SNRPD2: variants seen among roughly 807,000 people sequenced by gnomAD.
SNRPD2 encodes small nuclear ribonucleoprotein D2 polypeptide, also known as small nuclear ribonucleoprotein Sm D2.
SNRPD2 carries 1 observed loss-of-function variant against 11.5 expected under a neutral mutation model. The observed-to-expected ratio is 0.09, with a 90% CI of 0.03 to 0.41. The LOEUF (loss-of-function observed/expected upper bound fraction) is 0.41, where lower values mean the gene tolerates loss of function less well. SNRPD2 is among the 10% of genes least tolerant of loss of function. The pLI is 0.98. For missense variants in SNRPD2, 77 were observed against 154.9 expected (o/e 0.50, Z 2.67); for synonymous variants, 63 against 61.5 (o/e 1.02, Z -0.12).
At chr19:45,692,190 T>C, upstream of SNRPD2, 1 of 517,670 alleles carries the variant, frequency 1.9e-6, no homozygotes, top group Non-Finnish European at 3.3e-6. Flanking sequence ...TGGTACAGGT[T>C]GAAGGAGGGA....
chr19:45,691,824 C>T (rs1967565925), intron 1 of SNRPD2, 63 bp downstream of exon 1: 1 of 1,604,094 alleles, frequency 6.2e-7, no homozygotes, highest in Non-Finnish European at 8.5e-7. Context: ...CCTTCCCACA[C>T]TCAATCGGTC....
Position 45,687,651 on chromosome 19 carries a change from A to G in SNRPD2, c.259T>C (p.Ser87Pro). 6.2e-7 allele frequency: 1 copy of G among 1,613,824 alleles called. No homozygotes were observed. The change falls in exon 3 of 3, where the codon TCC (serine) becomes CCC (proline). Residue 87 changes from serine to proline, a missense_variant. Physicochemically the swap from Ser to Pro is moderately conservative, Grantham distance 74. Transcript: ENST00000342669. The surrounding 1 kb of genome is among the most constrained non-coding windows in gnomAD (Gnocchi z 4.1). Reference sequence around the variant, plus strand: ...TAGCGGTCTTTGTTGACTGGCTTGGACTTCTTCTTGCCCTTGCCACTCTTG... The same window carrying G: ...TAGCGGTCTTTGTTGACTGGCTTGGGCTTCTTCTTGCCCTTGCCACTCTTG... Reference protein sequence around the residue: ...VPKSGKGKKKSKPVNKDRYIS... With the variant: ...VPKSGKGKKKPKPVNKDRYIS...
At position 45,687,849 on chromosome 19, in the gene SNRPD2, C is replaced by T. The variant is rs947836342; in HGVS notation, c.183-122G>A. On this transcript the variant is annotated intron_variant, in intron 2 of 2. Transcript: ENST00000342669. This position sits in a 1 kb window ranked among gnomAD's most constrained non-coding sequence, Gnocchi z 4.1. ...TTGGGGAAGGGTGCAGGTGCTAGGC[C>T]GGGATGACCAAGCTGCCAAAGCAAC... 1.2e-5 allele frequency: 9 copies of T among 771,428 alleles called. No homozygotes were observed. The highest frequency in any genetic ancestry group is 2.4e-5 in the Admixed American group (1 of 41,928). The allele number at this position is 771,428 out of a possible 1,614,324, so 47.8% of individuals were successfully genotyped here. A position where few individuals can be genotyped will look rare whatever the true frequency, so the allele number is the denominator to read the frequency against.
Position 45,688,037 on chromosome 19 carries a change from A to C in SNRPD2, c.183-310T>G, listed in dbSNP as rs1030867955. Among the ~76,000 whole-genome samples the C allele has an allele frequency of 1.3e-5, 2 of 152,212 alleles. No individual in the cohort carries two copies. The highest frequency in any genetic ancestry group is 2.9e-5 in the Non-Finnish European group (2 of 68,036). On this transcript the variant is annotated intron_variant, in intron 2 of 2. Transcript: ENST00000342669. This position sits in a 1 kb window ranked among gnomAD's most constrained non-coding sequence, Gnocchi z 4.1. ...AATCTCACTCTGTTGCCCAGGCTGC[A>C]ATGCAGTGGTGCGATTTCAGCTCAC...
intron 1 of SNRPD2, 91 bp downstream of exon 1, chr19:45,691,796 C>CT (rs1166926698): frequency 1.3e-6 from 2 of 1,498,408 alleles, no homozygotes; most frequent in Non-Finnish European, 1.9e-6. Flanking sequence ...TGCCCCTGCC[C>CT]CCCCCGCTCT....
At chr19:45,691,725 G>T in intron 1 of SNRPD2, 162 bp downstream of exon 1, 1 of 870,694 alleles carries the variant, frequency 1.1e-6, no homozygotes, top group South Asian at 1.4e-5. Context: ...TGCGTCAAAG[G>T]CCCCACGCCC....
chr19:45,691,989 GC>G, upstream of SNRPD2: 1 of 1,612,124 alleles, frequency 6.2e-7, no homozygotes, highest in East Asian at 2.2e-5. Flanking sequence ...ACTTCCGTTG[GC>G]GCCTGCGCAA....
chr19:45,691,766 C>T (rs1013716951), intron 1 of SNRPD2, 121 bp downstream of exon 1: 8 of 1,231,636 alleles, frequency 6.5e-6, no homozygotes, highest in Non-Finnish European at 9.6e-6. Context: ...AAAAGCAGGA[C>T]GCTGCATCCC....
upstream of SNRPD2, chr19:45,692,111 CG>C (rs1967578306): frequency 5.3e-6 from 6 of 1,136,956 alleles, no homozygotes; most frequent in Non-Finnish European, 7.3e-6. Context: ...CAGAACCACA[CG>C]GGGGCAGATG....
chr19:45,691,739 C>G, intron 1 of SNRPD2, 148 bp downstream of exon 1: 1 of 1,020,814 alleles, frequency 9.8e-7, no homozygotes, highest in East Asian at 2.4e-5. Flanking sequence ...CACGCCCGTT[C>G]TCAAACTCAT....
At position 45,687,700 on chromosome 19, in the gene SNRPD2, C is replaced by T. The variant is rs751917445; in HGVS notation, c.210G>A (p.Val70=). Residue 70 remains valine, a synonymous_variant, in exon 3 of 3, where the codon GTG becomes GTA. Coordinates refer to ENST00000342669, the MANE Select transcript of SNRPD2 (RefSeq NM_001384647.1). The surrounding 1 kb of genome is among the most constrained non-coding windows in gnomAD (Gnocchi z 4.1). ...DRHCNMVLEN[V]KEMWTEVPKS... ...TGGGTACCTCAGTCCACATCTCCTT[C>T]ACGTTCTCCAGCACCATGTTGCAGT... 2 of 1,613,944 alleles carry T rather than the reference C, an allele frequency of 1.2e-6. No homozygotes were observed. Among genetic ancestry groups the T allele is most frequent in the Non-Finnish European group, 1.7e-6 (2 of 1,180,012 alleles).
At chr19:45,691,042 G>A (rs573603613) in intron 1 of SNRPD2, among the ~76,000 whole-genome samples, 7 of 152,072 alleles carry the variant, frequency 4.6e-5, no homozygotes, top group Non-Finnish European at 8.8e-5. Flanking sequence ...AAACGCACCC[G>A]TCTCCAGCTC....
Position 45,687,671 on chromosome 19 carries a change from C to G in SNRPD2, c.239G>C (p.Ser80Thr). 6.2e-7 allele frequency: 1 copy of G among 1,613,998 alleles called. No individual in the cohort carries two copies. The highest frequency in any genetic ancestry group is 1.1e-5 in the South Asian group (1 of 91,072). The change falls in exon 3 of 3, where the codon AGT (serine) becomes ACT (threonine). Residue 80 changes from serine (S) to threonine (T), a missense_variant. By Grantham distance (58) the Ser-to-Thr change is moderately conservative. Coordinates refer to ENST00000342669, the MANE Select transcript of SNRPD2 (RefSeq NM_001384647.1). This position sits in a 1 kb window ranked among gnomAD's most constrained non-coding sequence, Gnocchi z 4.1. ...CTTGGACTTCTTCTTGCCCTTGCCA[C>G]TCTTGGGTACCTCAGTCCACATCTC... is the stretch of plus-strand genomic sequence containing the variant. ...VKEMWTEVPK[S>T]GKGKKKSKPV...
chr19:45,689,903 G>C (rs1967494016), intron 1 of SNRPD2, among the ~76,000 whole-genome samples: 1 of 152,158 alleles, frequency 6.6e-6, no homozygotes, highest in East Asian at 1.9e-4. Context: ...CAGGTGTGGT[G>C]GCGCATCCCT....
chr19:45,687,787 C>T lies in SNRPD2; in HGVS notation c.183-60G>A, dbSNP rs753103479. On this transcript the variant is annotated intron_variant, in intron 2 of 2. Transcript: ENST00000342669. The surrounding 1 kb of genome is among the most constrained non-coding windows in gnomAD (Gnocchi z 4.1). The stretch of plus-strand genomic sequence containing the variant: ...GAGGGGCGTGCCTCTGACAGTGCCC[C>T]CTACTGCCTGCTGCTCGCCCCCTCC... The T allele has an allele frequency of 1.4e-5, 20 of 1,381,342 alleles. No homozygotes were observed. The highest frequency in any genetic ancestry group is 5.7e-5 in the African/African-American group (4 of 70,460). 85.6% of individuals were successfully genotyped at this position (1,381,342 alleles called of 1,614,324 possible).
Position 45,689,190 on chromosome 19 carries a change from C to G in SNRPD2, c.3-624G>C, listed in dbSNP as rs765499721. On this transcript the variant is annotated intron_variant, in intron 1 of 2. Coordinates refer to ENST00000342669, the MANE Select transcript of SNRPD2 (RefSeq NM_001384647.1). ...TTGTCAACTTGATTCCTCTTTTTCC[C>G]TCACATCCTACATGAAATCTGTAGG... is the stretch of plus-strand genomic sequence containing the variant. 16 of 519,776 alleles carry G rather than the reference C, an allele frequency of 3.1e-5. No individual in the cohort carries two copies. The African/African-American group carries it at 3.1e-4, about 10-fold the overall frequency. 32.2% of individuals were successfully genotyped at this position (519,776 alleles called of 1,614,324 possible).
intron 1 of SNRPD2, 143 bp downstream of exon 1, chr19:45,691,744 A>G: frequency 9.5e-7 from 1 of 1,055,596 alleles, no homozygotes; most frequent in Non-Finnish European, 1.5e-6. Context: ...CCGTTCTCAA[A>G]CTCATCAGGA....
chr19:45,690,866 T>A (rs1392109507), intron 1 of SNRPD2, among the ~76,000 whole-genome samples: 2 of 151,802 alleles, frequency 1.3e-5, no homozygotes, highest in Non-Finnish European at 2.9e-5. Context: ...AGAAAAAGAT[T>A]TTTCTTTTCC....
intron 1 of SNRPD2, chr19:45,689,315 CCA>C: frequency 5.8e-6 from 3 of 519,574 alleles, no homozygotes; most frequent in East Asian, 5.4e-5. Context: ...AGTCTGTTCT[CCA>C]CAGAGTGGTC....
Sources: gnomAD v4.1 joint callset for allele counts (sites outside exome capture counted in the v4.1 genomes callset) on GRCh38, gnomAD v4.1.1 for gene constraint, Gnocchi (gnomAD v3.1) non-coding constraint, MANE v1.5 for transcripts, NCBI Gene and HGNC (gene_info 2026-07-23, HGNC 2026-07-21) for gene names.